The following LEMD2 variants were observed in gnomAD, a reference collection of about 807,000 sequenced individuals.
LEMD2 encodes LEM domain-containing protein 2.
Under a neutral mutation model 58.8 loss-of-function variants are expected in LEMD2, and 34 were observed. The ratio of observed to expected loss-of-function variants is 0.58; its 90% CI spans 0.44 to 0.77. The LOEUF (loss-of-function observed/expected upper bound fraction) is 0.77, where lower values mean the gene tolerates loss of function less well. Ranked by LOEUF, LEMD2 falls within the 30% of genes least tolerant of loss-of-function variation. LEMD2 has a pLI of 0.00. For synonymous variants in LEMD2, 298 were observed against 308.9 expected (o/e 0.96, Z 0.37); for missense variants, 629 against 717.9 (o/e 0.88, Z 1.42).
At chr6:33,787,013 C>T (rs1767692680) in intron 1 of LEMD2, 6 of 885,944 alleles carry the variant, frequency 6.8e-6, no homozygotes, top group Non-Finnish European at 9.6e-6. Flanking sequence ...ATGATTAGCT[C>T]AAGTTTCTTG....
chr6:33,782,508 T>G (rs1281179162), intron 3 of LEMD2, among the ~76,000 whole-genome samples: 1 of 152,236 alleles, frequency 6.6e-6, no homozygotes, highest in East Asian at 1.9e-4. Flanking sequence ...TGTAATTTCC[T>G]GCCGCTTTGC....
Position 33,786,774 on chromosome 6 carries a change from A to T in LEMD2, c.737T>A (p.Met246Lys), listed in dbSNP as rs1378873596. The T allele has an allele frequency of 6.2e-7, 1 of 1,613,692 alleles. No homozygotes were observed. The highest frequency in any genetic ancestry group is 8.5e-7 in the Non-Finnish European group (1 of 1,179,870). The change falls in exon 2 of 9, where the codon ATG (methionine) becomes AAG (lysine). Residue 246 changes from methionine (M) to lysine (K), a missense_variant and splice_region_variant. Physicochemically the swap from Met to Lys is moderately conservative, Grantham distance 95 (BLOSUM62 -1). Around this residue, in one of 2 missense-constraint regions of LEMD2, gnomAD observed 243 missense variants for 336.8 expected, o/e 0.72. Coordinates refer to ENST00000293760, the MANE Select transcript of LEMD2 (RefSeq NM_181336.4). The stretch of plus-strand genomic sequence containing the variant: ...CTCACAGTCCACTGGCAATAACTTC[A>T]CTGAGACCAAGAAAAGAAACACAGA... ...PSAPQEAEDN[M>K]KLLPVDCERK...
chr6:33,787,117 A>C (rs753582873), intron 1 of LEMD2: 6 of 295,858 alleles, frequency 2.0e-5, no homozygotes, highest in Non-Finnish European at 3.8e-5. Context: ...GGCCCAAACA[A>C]AACAAAATAT....
At position 33,777,011 on chromosome 6, in the gene LEMD2, C is replaced by T. The variant is rs745579327; in HGVS notation, c.1304G>A (p.Arg435His). Reference protein sequence around the residue: ...HYVDWEQDMERYPYVGILHVR... With the variant: ...HYVDWEQDMEHYPYVGILHVR... ...GTGCAGGATGCCTACATATGGATAG[C>T]GCTCCATGTCCTGCTCCCAGTCCAC... Residue 435 changes from arginine (R) to histidine (H), a missense_variant, in exon 8 of 9, where the codon CGC (arginine) becomes CAC (histidine). Coordinates refer to ENST00000293760, the MANE Select transcript of LEMD2 (RefSeq NM_181336.4). 7 of 1,614,026 alleles carry T rather than the reference C, an allele frequency of 4.3e-6. No individual in the cohort carries two copies. Among genetic ancestry groups the T allele is most frequent in the African/African-American group, 2.7e-5 (2 of 74,908 alleles).
chr6:33,774,383 G>A (rs1373429845), intron 8 of LEMD2, among the ~76,000 whole-genome samples: 1 of 150,046 alleles, frequency 6.7e-6, no homozygotes, highest in Non-Finnish European at 1.5e-5. Context: ...CATTGGCCAG[G>A]CTGGTCTCAA....
rs1452244018 is a variant in LEMD2 at position 33,772,434 on chromosome 6, C to T, written c.*194G>A. 3 of 539,652 alleles carry T rather than the reference C, an allele frequency of 5.6e-6. No individual in the cohort carries two copies. In the East Asian group the frequency reaches 9.7e-5, roughly 17 times the overall value. 33.4% of individuals were successfully genotyped at this position (539,652 alleles called of 1,614,324 possible). On this transcript the variant is annotated 3_prime_UTR_variant, in exon 9 of 9. Transcript: ENST00000293760. ...CTATCACCCTGGCTTCTCCCCCTCCCTTTAAAGGAAGCCCACATTTTCCTG... is the reference window on the plus strand; with the variant it reads ...CTATCACCCTGGCTTCTCCCCCTCCTTTTAAAGGAAGCCCACATTTTCCTG...
At chr6:33,780,862 T>C (rs1247444612) in intron 4 of LEMD2, among the ~76,000 whole-genome samples, 1 of 152,182 alleles carries the variant, frequency 6.6e-6, no homozygotes, top group Non-Finnish European at 1.5e-5. Flanking sequence ...GCCGCCCCAC[T>C]GCACATGGCG....
At chr6:33,784,565 T>A in intron 2 of LEMD2, 138 bp from the exon 3 acceptor site, 1 of 639,056 alleles carries the variant, frequency 1.6e-6, no homozygotes, top group East Asian at 2.8e-5. Flanking sequence ...TAGAAAAAAA[T>A]TCTGCCAAGT....
Position 33,780,077 on chromosome 6 carries a change from G to A in LEMD2, c.1010+23C>T, listed in dbSNP as rs750213909. On this transcript the variant is annotated intron_variant, in intron 5 of 8. Transcript: ENST00000293760. ...CAGTGGTTGCAGGCACCCATGCTGC[G>A]TCGCCACCCTGCCCACACTCACCAG... The A allele has an allele frequency of 2.0e-5, 32 of 1,563,298 alleles. 1 individual carries two copies. The highest frequency in any genetic ancestry group is 1.8e-4 in the Middle Eastern group (1 of 5,698).
intron 8 of LEMD2, among the ~76,000 whole-genome samples, chr6:33,773,810 C>T (rs1471112123): frequency 6.6e-6 from 1 of 152,228 alleles, no homozygotes; most frequent in East Asian, 1.9e-4. Context: ...CTTCTCATCT[C>T]CCTCAGTCTT....
chr6:33,788,950 G>A lies in LEMD2; in HGVS notation c.167C>T (p.Pro56Leu), dbSNP rs1473609690. ...DEERLREEAR[P>L]RGEERLREEA... ...TTCCCGTAACCGCTCCTCGCCCCGC[G>A]GCCGGGCCTCCTCCCGCAGCCGCTC... The change falls in exon 1 of 9, where the codon CCG becomes CTG. Residue 56 changes from proline (P) to leucine (L), a missense_variant. Physicochemically the swap from Pro to Leu is moderately conservative, Grantham distance 98. Transcript: ENST00000293760. 2 of 1,515,418 alleles carry A rather than the reference G, an allele frequency of 1.3e-6. No individual in the cohort carries two copies. Among genetic ancestry groups the A allele is most frequent in the Admixed American group, 2.1e-5 (1 of 47,078 alleles). 93.9% of individuals were successfully genotyped at this position (1,515,418 alleles called of 1,614,324 possible). A position where few individuals can be genotyped will look rare whatever the true frequency, so the allele number is the denominator to read the frequency against.
In LEMD2 at chr6:33,789,091, A is replaced by C; in HGVS notation, c.26T>G (p.Leu9Arg). 1 of 1,540,190 alleles carries C rather than the reference A, an allele frequency of 6.5e-7. No homozygotes were observed. Among genetic ancestry groups the C allele is most frequent in the Non-Finnish European group, 8.7e-7 (1 of 1,153,180 alleles). MAGLSDLE[L>R]RRELQALGFQ... ...GCCCAGGGCCTGCAGCTCCCGCCGC[A>C]GTTCCAGGTCCGACAGGCCGGCCAT... The change falls in exon 1 of 9, where the codon CTG becomes CGG. Residue 9 changes from leucine (L) to arginine (R), a missense_variant. Physicochemically the swap from Leu to Arg is moderately radical, Grantham distance 102 (BLOSUM62 -2). This residue lies in a region of LEMD2 where 386 missense variants were observed against 381.1 expected (regional missense o/e 1.01). Transcript: ENST00000293760.
At position 33,780,100 on chromosome 6, in the gene LEMD2, C is replaced by T; in HGVS notation, c.1010G>A (p.Trp337Ter). The T allele has an allele frequency of 1.3e-6, 2 of 1,587,372 alleles. No homozygotes were observed. The highest frequency in any genetic ancestry group is 1.8e-5 in the Admixed American group (1 of 56,680). ...ILSSNKDVGI[W>*]LKGEDQSELV... is the part of the protein sequence containing the mutation. ...GCGTCGCCACCCTGCCCACACTCAC[C>T]AGATGCCCACGTCCTTGTTACTGCT... is the stretch of plus-strand genomic sequence containing the variant. Residue 337 changes from tryptophan (W) to a stop codon, truncating the protein, a stop_gained and splice_region_variant, in exon 5 of 9, where the codon TGG becomes TAG. Coordinates refer to ENST00000293760, the MANE Select transcript of LEMD2 (RefSeq NM_181336.4). LOFTEE classifies it high-confidence loss of function.
intron 2 of LEMD2, 152 bp downstream of exon 2, chr6:33,786,582 G>A (rs543205582): frequency 9.2e-6 from 6 of 653,900 alleles, no homozygotes; most frequent in Non-Finnish European, 1.3e-5. Context: ...AATTGAGCCT[G>A]ACAAGAACAT....
rs746697027 is a variant in LEMD2 at position 33,772,767 on chromosome 6, T to C, written c.1373A>G (p.Lys458Arg). The C allele has an allele frequency of 1.4e-5, 23 of 1,613,368 alleles. No homozygotes were observed. Among genetic ancestry groups the C allele is most frequent in the Non-Finnish European group, 1.4e-5 (17 of 1,179,836 alleles). Residue 458 changes from lysine to arginine, a missense_variant, in exon 9 of 9, where the codon AAG becomes AGG. By Grantham distance (26) the Lys-to-Arg change is conservative. This residue lies in a region of LEMD2 where 243 missense variants were observed against 336.8 expected (regional missense o/e 0.72). Transcript: ENST00000293760. ...CTCCACAGCTCGGTCCCAGACACGCTTCATGCGCCTCCTGCAATGAGAGGG... is the reference window on the plus strand; with the variant it reads ...CTCCACAGCTCGGTCCCAGACACGCCTCATGCGCCTCCTGCAATGAGAGGG... ...LIPPQSRRRM[K>R]RVWDRAVEFL... is the part of the protein sequence containing the mutation.
At chr6:33,787,368 G>A (rs141896454) in intron 1 of LEMD2, among the ~76,000 whole-genome samples, 512 of 152,292 alleles carry the variant, frequency 3.4e-3, no homozygotes, top group Non-Finnish European at 5.4e-3. Flanking sequence ...TCTCATAGTG[G>A]GGAAATCATT....
intron 1 of LEMD2, among the ~76,000 whole-genome samples, chr6:33,787,901 G>A (rs191694369): frequency 1.7e-4 from 26 of 152,346 alleles, no homozygotes; most frequent in African/African-American, 6.3e-4. Flanking sequence ...GTGATTCAAA[G>A]AAGTGGAGAG....
intron 2 of LEMD2, chr6:33,784,661 C>T: frequency 2.1e-6 from 1 of 466,294 alleles, no homozygotes; most frequent in Non-Finnish European, 4.0e-6. Flanking sequence ...TGAAAGCAGA[C>T]ACTGTAACCA....
Position 33,785,100 on chromosome 6 carries a change from C to T in LEMD2, c.778-673G>A, listed in dbSNP as rs147949552. Among the ~76,000 whole-genome samples the T allele has an allele frequency of 4.6e-3, 694 of 152,250 alleles. 7 individuals carry two copies. Among genetic ancestry groups the T allele is most frequent in the African/African-American group, 0.015 (643 of 41,552 alleles). On this transcript the variant is annotated intron_variant, in intron 2 of 8. Transcript: ENST00000293760. The stretch of plus-strand genomic sequence containing the variant: ...CAGCACAAAGGCAGAAAGAAAAACA[C>T]AAAGTGTCACCGTCTTCAACGACCG...
Sources: allele counts gnomAD v4.1 joint callset (sites outside exome capture counted in the v4.1 genomes callset), GRCh38; gene constraint gnomAD v4.1.1; regional missense constraint gnomAD v4.1.1; transcripts MANE v1.5; gene names NCBI Gene and HGNC (gene_info 2026-07-23, HGNC 2026-07-21).